Variants in BUB3 observed in about 807,000 individuals in gnomAD.
BUB3 encodes the protein mitotic checkpoint protein BUB3.
In BUB3, 22 loss-of-function variants were observed where a neutral mutation model predicts 39.9. The ratio of observed to expected loss-of-function variants is 0.55; its 90% CI spans 0.39 to 0.79. The LOEUF (loss-of-function observed/expected upper bound fraction) is 0.79. Ranked by LOEUF, BUB3 falls within the 30% of genes least tolerant of loss-of-function variation. The pLI, the probability that BUB3 is intolerant of heterozygous loss-of-function variation, is 0.00. For synonymous variants in BUB3, 168 were observed against 155.1 expected (o/e 1.08, Z -0.62); for missense variants, 303 against 415.4 (o/e 0.73, Z 2.35).
chr10:123,164,814 C>T lies in BUB3; in HGVS notation c.*979C>T. ...AAGCAGAACACGAACTTAGCTTGGC[C>T]TATTCTAGGTAGTTCCAAATAGTAT... is the stretch of plus-strand genomic sequence containing the variant. On this transcript the variant is annotated 3_prime_UTR_variant, in exon 8 of 8. Transcript: ENST00000368865. The T allele has an allele frequency of 2.4e-6, 3 of 1,276,318 alleles. No homozygotes were observed. Among genetic ancestry groups the T allele is most frequent in the Non-Finnish European group, 3.0e-6 (3 of 1,010,662 alleles). 79.1% of individuals were successfully genotyped at this position (1,276,318 alleles called of 1,614,324 possible).
In BUB3 at chr10:123,163,758, A is replaced by G; in HGVS notation, c.972-62A>G. On this transcript the variant is annotated intron_variant, in intron 7 of 7. Coordinates refer to ENST00000368865, the MANE Select transcript of BUB3 (RefSeq NM_004725.4). ...TTTGCATTTAATCTGTCACTTTTGT[A>G]TCTCCTGTCCTGGCTGGCCATTTTG... The G allele has an allele frequency of 3.5e-6, 5 of 1,439,180 alleles. 1 individual carries two copies. The highest frequency in any genetic ancestry group is 2.4e-5 in the South Asian group (2 of 84,436). The allele number at this position is 1,439,180 out of a possible 1,614,324, so 89.2% of individuals were successfully genotyped here. A position where few individuals can be genotyped will look rare whatever the true frequency, so the allele number is the denominator to read the frequency against.
In BUB3 at chr10:123,155,712, T is replaced by G; in HGVS notation, c.250T>G (p.Leu84Val). The change falls in exon 3 of 8, where the codon TTG (leucine) becomes GTG (valine). Residue 84 changes from leucine (L) to valine (V), a missense_variant. Coordinates refer to ENST00000368865, the MANE Select transcript of BUB3 (RefSeq NM_004725.4). The part of the protein sequence containing the change: ...GLDHQLKMHD[L>V]NTDQENLVGT... Reference sequence around the variant, plus strand: ...AGATCATCAATTGAAAATGCATGATTTGAACACTGATCAAGGTAATGTGAC... The same window carrying G: ...AGATCATCAATTGAAAATGCATGATGTGAACACTGATCAAGGTAATGTGAC... The G allele has an allele frequency of 6.2e-7, 1 of 1,614,030 alleles. No homozygotes were observed.
Position 123,165,318 on chromosome 10 carries a change from C to T in BUB3, c.*1483C>T. 2.7e-6 allele frequency: 1 copy of T among 374,782 alleles called. No homozygotes were observed. 23.2% of individuals were successfully genotyped at this position (374,782 alleles called of 1,614,324 possible). ...GTTTGAGCTCTTTTTGTAATATACT[C>T]TAAACCTGTTATTTCTGTGCTAATA... On this transcript the variant is annotated 3_prime_UTR_variant, in exon 8 of 8. Coordinates refer to ENST00000368865, the MANE Select transcript of BUB3 (RefSeq NM_004725.4).
rs1844499615 is a variant in BUB3 at position 123,166,887 on chromosome 10, CA to C, written c.*3054del. The C allele has an allele frequency of 6.6e-6, 1 of 152,190 alleles. No individual in the cohort carries two copies. Among genetic ancestry groups the C allele is most frequent in the African/African-American group, 2.4e-5 (1 of 41,444 alleles). The allele number at this position is 152,190 out of a possible 1,614,324, so 9.4% of individuals were successfully genotyped here. A position where few individuals can be genotyped will look rare whatever the true frequency, so the allele number is the denominator to read the frequency against. ...GAGATCCAGGCCTTGTTAGAAGGAC[CA>C]AGGCCAGAATGCCCAGTTTAGCCTT... On this transcript the variant is annotated 3_prime_UTR_variant, in exon 8 of 8. Coordinates refer to ENST00000368865, the MANE Select transcript of BUB3 (RefSeq NM_004725.4).
At chr10:123,160,307 A>G (rs1844404109) in intron 4 of BUB3, 100 bp from the exon 5 acceptor site, 2 of 1,142,790 alleles carry the variant, frequency 1.8e-6, no homozygotes, top group African/African-American at 3.1e-5. Context: ...CAGTCAGCTA[A>G]TTTTTTATGG....
At position 123,164,375 on chromosome 10, in the gene BUB3, A is replaced by G; in HGVS notation, c.*540A>G. On this transcript the variant is annotated 3_prime_UTR_variant, in exon 8 of 8. Coordinates refer to ENST00000368865, the MANE Select transcript of BUB3 (RefSeq NM_004725.4). ...ATTTCCTGGGCTGTTAAACAAAGCG[A>G]GGTTAAGGTTAGACTCTTGGGAATC... The G allele has an allele frequency of 1.0e-6, 1 of 985,744 alleles. No homozygotes were observed. Among genetic ancestry groups the G allele is most frequent in the Non-Finnish European group, 1.2e-6 (1 of 830,194 alleles). The allele number at this position is 985,744 out of a possible 1,614,324, so 61.1% of individuals were successfully genotyped here.
intron 3 of BUB3, among the ~76,000 whole-genome samples, chr10:123,156,381 A>T (rs868669341): frequency 2.0e-5 from 3 of 152,240 alleles, no homozygotes; most frequent in Admixed American, 6.5e-5. Context: ...TGTATTCATC[A>T]GACATAGGTA....
chr10:123,164,902 G>A lies in BUB3; in HGVS notation c.*1067G>A. 7.0e-7 allele frequency: 1 copy of A among 1,431,022 alleles called. No individual in the cohort carries two copies. The highest frequency in any genetic ancestry group is 9.1e-7 in the Non-Finnish European group (1 of 1,095,218). The allele number at this position is 1,431,022 out of a possible 1,614,324, so 88.6% of individuals were successfully genotyped here. On this transcript the variant is annotated 3_prime_UTR_variant, in exon 8 of 8. Transcript: ENST00000368865. The stretch of plus-strand genomic sequence containing the variant: ...AATGTATGTCTCTGAGTAGGACTTG[G>A]ACCTTTCCTGAGATTTATTTTATCC...
Position 123,157,701 on chromosome 10 carries a change from G to T in BUB3, c.266-28G>T, listed in dbSNP as rs930494911. On this transcript the variant is annotated intron_variant, in intron 3 of 7. Transcript: ENST00000368865. Reference sequence around the variant, plus strand: ...TAAAGGTAGTAAGCTAGATGTTGGGGTTTTTTCCCCTTTTTTTTTCTCTAT... The same window carrying T: ...TAAAGGTAGTAAGCTAGATGTTGGGTTTTTTTCCCCTTTTTTTTTCTCTAT... The T allele has an allele frequency of 2.1e-5, 32 of 1,547,820 alleles. No individual in the cohort carries two copies. The African/African-American group carries it at 2.5e-4, about 12-fold the overall frequency.
intron 5 of BUB3, among the ~76,000 whole-genome samples, chr10:123,160,918 A>C (rs748404012): frequency 1.3e-5 from 2 of 152,216 alleles, no homozygotes; most frequent in Non-Finnish European, 2.9e-5. Flanking sequence ...AAAATGCTGA[A>C]TTAAAATTTA....
rs1844505697 is a variant in BUB3 at position 123,167,410 on chromosome 10, C to T, written c.*3575C>T. 1 of 152,084 alleles carries T rather than the reference C, an allele frequency of 6.6e-6. No homozygotes were observed. The highest frequency in any genetic ancestry group is 2.4e-5 in the African/African-American group (1 of 41,408). The allele number at this position is 152,084 out of a possible 1,614,324, so 9.4% of individuals were successfully genotyped here. Reference sequence around the variant, plus strand: ...CCTTTCTCAAAACACGTATGAAACACCTCCTGCTTGTATACCTTTAGCAGT... The same window carrying T: ...CCTTTCTCAAAACACGTATGAAACATCTCCTGCTTGTATACCTTTAGCAGT... On this transcript the variant is annotated 3_prime_UTR_variant, in exon 8 of 8. Coordinates refer to ENST00000368865, the MANE Select transcript of BUB3 (RefSeq NM_004725.4).
intron 3 of BUB3, among the ~76,000 whole-genome samples, chr10:123,156,750 C>CTTTTTTTTTTTTTTTTTTT (rs1589688487): frequency 8.1e-6 from 1 of 123,408 alleles, no homozygotes; most frequent in African/African-American, 3.4e-5. Flanking sequence ...CTTTTTCTTT[C>CTTTTTTTTTTTTTTTTTTT]TTGTTTTTTT....
In BUB3 at chr10:123,165,296, T is replaced by G. The variant is rs767432233; in HGVS notation, c.*1461T>G. On this transcript the variant is annotated 3_prime_UTR_variant, in exon 8 of 8. Coordinates refer to ENST00000368865, the MANE Select transcript of BUB3 (RefSeq NM_004725.4). Reference sequence around the variant, plus strand: ...GCCCAGTTGCTGTATCTGAACAGTTTGAGCTCTTTTTGTAATATACTCTAA... The same window carrying G: ...GCCCAGTTGCTGTATCTGAACAGTTGGAGCTCTTTTTGTAATATACTCTAA... 1.8e-5 allele frequency: 8 copies of G among 441,852 alleles called. No homozygotes were observed. Among genetic ancestry groups the G allele is most frequent in the Non-Finnish European group, 2.8e-5 (7 of 248,720 alleles). 27.4% of individuals were successfully genotyped at this position (441,852 alleles called of 1,614,324 possible).
At chr10:123,155,157 G>A (rs754866615) in intron 2 of BUB3, 45 bp downstream of exon 2, 1 of 1,583,144 alleles carries the variant, frequency 6.3e-7, no homozygotes, top group Non-Finnish European at 8.6e-7. Context: ...CTGTGTTAAC[G>A]ATTCTCCACG....
In BUB3 at chr10:123,166,569, A is replaced by T. The variant is rs763063051; in HGVS notation, c.*2734A>T. ...AAAACTGCTTGATCAGATTCTAAAA[A>T]ATTTCTAAAAGATTTTTAAAAAATG... is the stretch of plus-strand genomic sequence containing the variant. On this transcript the variant is annotated 3_prime_UTR_variant, in exon 8 of 8. Transcript: ENST00000368865. 2 of 152,190 alleles carry T rather than the reference A, an allele frequency of 1.3e-5. No individual in the cohort carries two copies. Among genetic ancestry groups the T allele is most frequent in the Non-Finnish European group, 2.9e-5 (2 of 68,032 alleles). 9.4% of individuals were successfully genotyped at this position (152,190 alleles called of 1,614,324 possible). A position where few individuals can be genotyped will look rare whatever the true frequency, so the allele number is the denominator to read the frequency against.
rs772501602 is a variant in BUB3 at position 123,160,434 on chromosome 10, C to T, written c.445C>T (p.Arg149Trp). ...KVYTLSVSGD[R>W]LIVGTAGRRV... is the part of the protein sequence containing the mutation. Reference sequence around the variant, plus strand: ...ATATACCCTCTCAGTGTCTGGAGACCGGCTGATTGTGGGAACAGCAGGCCG... The same window carrying T: ...ATATACCCTCTCAGTGTCTGGAGACTGGCTGATTGTGGGAACAGCAGGCCG... Residue 149 changes from arginine (R) to tryptophan (W), a missense_variant, in exon 5 of 8, where the codon CGG becomes TGG. Physicochemically the swap from Arg to Trp is moderately radical, Grantham distance 101. Around this residue, in one of 2 missense-constraint regions of BUB3, gnomAD observed 182 missense variants for 293.1 expected, o/e 0.62. Transcript: ENST00000368865. The T allele has an allele frequency of 2.3e-5, 37 of 1,609,888 alleles. No homozygotes were observed. The South Asian group carries it at 3.9e-4, about 17-fold the overall frequency.
chr10:123,154,853 C>T lies in BUB3; in HGVS notation c.1-65C>T, dbSNP rs1589687369. Reference sequence around the variant, plus strand: ...CCTCCCTCTGGGGGGACCCCCAGTGCCAGGCTGTCAGTGCGCAGCCCCAGC... The same window carrying T: ...CCTCCCTCTGGGGGGACCCCCAGTGTCAGGCTGTCAGTGCGCAGCCCCAGC... On this transcript the variant is annotated intron_variant, in intron 1 of 7. Transcript: ENST00000368865. 2.0e-6 allele frequency: 3 copies of T among 1,530,070 alleles called. No individual in the cohort carries two copies. The East Asian group carries it at 6.9e-5, about 35-fold the overall frequency. The allele number at this position is 1,530,070 out of a possible 1,614,324, so 94.8% of individuals were successfully genotyped here.
rs1243139686 is a variant in BUB3 at position 123,168,986 on chromosome 10, T to A, written c.*5151T>A. The A allele has an allele frequency of 2.6e-5, 4 of 152,210 alleles. No individual in the cohort carries two copies. The highest frequency in any genetic ancestry group is 9.7e-5 in the African/African-American group (4 of 41,428). The allele number at this position is 152,210 out of a possible 1,614,324, so 9.4% of individuals were successfully genotyped here. The stretch of plus-strand genomic sequence containing the variant: ...TGCCCTAGAGCATCTGACGCCTGGA[T>A]ACAAAAGAGCCTGTGGCTATGACTA... On this transcript the variant is annotated 3_prime_UTR_variant, in exon 8 of 8. Transcript: ENST00000368865.
At chr10:123,163,216 G>T in intron 7 of BUB3, 1 of 197,068 alleles carries the variant, frequency 5.1e-6, no homozygotes, top group South Asian at 9.7e-5. Flanking sequence ...TCTCCACAGA[G>T]GTTGTTTCTT....
Sources: allele counts gnomAD v4.1 joint callset (sites outside exome capture counted in the v4.1 genomes callset), GRCh38; gene constraint gnomAD v4.1.1; regional missense constraint gnomAD v4.1.1; transcripts MANE v1.5; gene names NCBI Gene and HGNC (gene_info 2026-07-23, HGNC 2026-07-21).